GATA3: variants seen among roughly 807,000 people sequenced by gnomAD.
GATA3 encodes the protein trans-acting T-cell-specific transcription factor GATA-3.
In GATA3, 6 loss-of-function variants were observed where a neutral mutation model predicts 36.0. The ratio of observed to expected loss-of-function variants is 0.17; its 90% CI spans 0.09 to 0.33. The LOEUF (loss-of-function observed/expected upper bound fraction) is 0.33. GATA3 is among the 10% of genes least tolerant of loss of function. The pLI is 1.00. For missense variants in GATA3, 514 were observed against 610.1 expected (o/e 0.84, Z 1.66); for synonymous variants, 326 against 273.0 (o/e 1.19, Z -1.92).
chr10:8,056,052 C>T lies in GATA3; in HGVS notation c.241+156C>T, dbSNP rs565367411. 2.0e-3 allele frequency among the ~76,000 whole-genome samples: 303 copies of T among 152,312 alleles called. 1 individual carries two copies. Among genetic ancestry groups the T allele is most frequent in the African/African-American group, 6.8e-3 (283 of 41,562 alleles). On this transcript the variant is annotated intron_variant, in intron 2 of 5. Transcript: ENST00000379328. ...AAAAAAATTGGGGCCCGGAAATGGGCGAGGAAGGCCTCTGGCTCGTCGCGA... is the reference window on the plus strand; with the variant it reads ...AAAAAAATTGGGGCCCGGAAATGGGTGAGGAAGGCCTCTGGCTCGTCGCGA...
intron 4 of GATA3, among the ~76,000 whole-genome samples, chr10:8,068,457 C>T (rs1204782090): frequency 6.6e-6 from 1 of 152,120 alleles, no homozygotes. Flanking sequence ...TGGGAAGTGA[C>T]CAAGCTTGAA....
rs745424381 is a variant in GATA3, at chr10:8,073,854, A to C, written c.1166A>C (p.Asn389Thr). The change falls in exon 6 of 6, where the codon AAC becomes ACC. Residue 389 changes from asparagine (N) to threonine (T), a missense_variant. Physicochemically the swap from Asn to Thr is moderately conservative, Grantham distance 65 (BLOSUM62 0). This residue lies in a region of GATA3 where 89 missense variants were observed against 104.2 expected (regional missense o/e 0.85). Transcript: ENST00000379328. ...VHDSLEDFPK[N>T]SSFNPAALSR... Reference sequence around the variant, plus strand: ...GACTCACTGGAGGACTTCCCCAAGAACAGCTCGTTTAACCCGGCCGCCCTC... The same window carrying C: ...GACTCACTGGAGGACTTCCCCAAGACCAGCTCGTTTAACCCGGCCGCCCTC... 6.2e-7 allele frequency: 1 copy of C among 1,614,156 alleles called. No individual in the cohort carries two copies. The highest frequency in any genetic ancestry group is 1.1e-5 in the South Asian group (1 of 91,080).
rs1832792971 is a variant in GATA3 at position 8,064,081 on chromosome 10, G to A, written c.867G>A (p.Gly289=). The part of the protein sequence containing the change: ...GTGHYLCNAC[G]LYHKMNGQNR... ...GACACTACCTGTGCAACGCCTGCGG[G>A]CTCTATCACAAAATGAACGGACAGA... Residue 289 remains glycine, a synonymous_variant, in exon 4 of 6, where the codon GGG becomes GGA. Transcript: ENST00000379328. The A allele has an allele frequency of 6.2e-7, 1 of 1,614,094 alleles. No individual in the cohort carries two copies. The highest frequency in any genetic ancestry group is 8.5e-7 in the Non-Finnish European group (1 of 1,180,018).
rs774440409 is a variant in GATA3, at chr10:8,064,112, C to A, written c.898C>A (p.Pro300Thr). 1 of 1,614,040 alleles carries A rather than the reference C, an allele frequency of 6.2e-7. No individual in the cohort carries two copies. Among genetic ancestry groups the A allele is most frequent in the Non-Finnish European group, 8.5e-7 (1 of 1,180,026 alleles). Reference sequence around the variant, plus strand: ...TCACAAAATGAACGGACAGAACCGGCCCCTCATTAAGCCCAAGCGAAGGCT... The same window carrying A: ...TCACAAAATGAACGGACAGAACCGGACCCTCATTAAGCCCAAGCGAAGGCT... Reference protein sequence around the residue: ...LYHKMNGQNRPLIKPKRRLSA... With the variant: ...LYHKMNGQNRTLIKPKRRLSA... The change falls in exon 4 of 6, where the codon CCC becomes ACC. Residue 300 changes from proline to threonine, a missense_variant. Physicochemically the swap from Pro to Thr is conservative, Grantham distance 38 (BLOSUM62 -1). Coordinates refer to ENST00000379328, the MANE Select transcript of GATA3 (RefSeq NM_001002295.2).
At position 8,074,234 on chromosome 10, in the gene GATA3, C is replaced by A; in HGVS notation, c.*211C>A. The stretch of plus-strand genomic sequence containing the variant: ...ATCTGGACCCCATCTGTGAATAAGC[C>A]ATTCTGACTCATATCCCCTATTTAA... On this transcript the variant is annotated 3_prime_UTR_variant, in exon 6 of 6. Coordinates refer to ENST00000379328, the MANE Select transcript of GATA3 (RefSeq NM_001002295.2). 1.7e-6 allele frequency: 1 copy of A among 593,128 alleles called. No homozygotes were observed. The highest frequency in any genetic ancestry group is 3.0e-6 in the Non-Finnish European group (1 of 337,502). The allele number at this position is 593,128 out of a possible 1,614,324, so 36.7% of individuals were successfully genotyped here. A position where few individuals can be genotyped will look rare whatever the true frequency, so the allele number is the denominator to read the frequency against.
At position 8,064,248 on chromosome 10, in the gene GATA3, G is replaced by A. The variant is rs11567919; in HGVS notation, c.924+110G>A. ...GAAATTGACAGGATAGCCTCCAATCGTGTCAGCTGGCTTGGGACAGTTTTT... is the reference window on the plus strand; with the variant it reads ...GAAATTGACAGGATAGCCTCCAATCATGTCAGCTGGCTTGGGACAGTTTTT... On this transcript the variant is annotated intron_variant, in intron 4 of 5. Coordinates refer to ENST00000379328, the MANE Select transcript of GATA3 (RefSeq NM_001002295.2). The A allele has an allele frequency of 2.4e-3, 3,208 of 1,320,056 alleles. 66 individuals carry two copies. In the African/African-American group the frequency reaches 0.04, roughly 17 times the overall value. The allele number at this position is 1,320,056 out of a possible 1,614,324, so 81.8% of individuals were successfully genotyped here. A position where few individuals can be genotyped will look rare whatever the true frequency, so the allele number is the denominator to read the frequency against.
intron 5 of GATA3, 87 bp from the exon 6 acceptor site, chr10:8,073,652 T>C: frequency 1.4e-6 from 2 of 1,438,298 alleles, no homozygotes; most frequent in Non-Finnish European, 1.9e-6. Context: ...GGGCGGTCAG[T>C]GGAACCCTTC....
rs911741281 is a variant in GATA3, at chr10:8,074,907, C to T, written c.*884C>T. ...TCAGTTGGCCTAAGGTGGTTGTGCT[C>T]GGAGGGTTTCTTGTTTCTTTTCCAT... On this transcript the variant is annotated 3_prime_UTR_variant, in exon 6 of 6. Transcript: ENST00000379328. 4 of 233,580 alleles carry T rather than the reference C, an allele frequency of 1.7e-5. No individual in the cohort carries two copies. Among genetic ancestry groups the T allele is most frequent in the African/African-American group, 4.4e-5 (2 of 45,314 alleles). The allele number at this position is 233,580 out of a possible 1,614,324, so 14.5% of individuals were successfully genotyped here.
At chr10:8,073,652 T>G (rs1228899833) in intron 5 of GATA3, 87 bp from the exon 6 acceptor site, 1 of 1,438,208 alleles carries the variant, frequency 7.0e-7, no homozygotes, top group Non-Finnish European at 9.3e-7. Flanking sequence ...GGGCGGTCAG[T>G]GGAACCCTTC....
chr10:8,064,159 G>C (rs1165773626), intron 4 of GATA3, 21 bp downstream of exon 4: 2 of 1,613,948 alleles, frequency 1.2e-6, no homozygotes, highest in Admixed American at 1.7e-5. Context: ...GGGAAGGGAT[G>C]GATTCCATGC....
chr10:8,065,678 C>T (rs1268446737), intron 4 of GATA3, among the ~76,000 whole-genome samples: 2 of 150,654 alleles, frequency 1.3e-5, no homozygotes, highest in Middle Eastern at 3.2e-3. Context: ...CAACCTTCCC[C>T]CACCTCTCCT....
chr10:8,065,986 G>C (rs1345929673), intron 4 of GATA3, among the ~76,000 whole-genome samples: 1 of 142,968 alleles, frequency 7.0e-6, no homozygotes, highest in African/African-American at 2.6e-5. Flanking sequence ...AAAAAAGAGA[G>C]AGAGAGAGAG....
chr10:8,074,884 A>C lies in GATA3; in HGVS notation c.*861A>C, dbSNP rs1431360099. The stretch of plus-strand genomic sequence containing the variant: ...TGGTTGAATAAACTAGATTACATTC[A>C]GTTGGCCTAAGGTGGTTGTGCTCGG... On this transcript the variant is annotated 3_prime_UTR_variant, in exon 6 of 6. Transcript: ENST00000379328. 3 of 233,708 alleles carry C rather than the reference A, an allele frequency of 1.3e-5. No individual in the cohort carries two copies. The East Asian group carries it at 1.8e-4, about 14-fold the overall frequency. 14.5% of individuals were successfully genotyped at this position (233,708 alleles called of 1,614,324 possible).
At chr10:8,050,893 G>C (rs571935405), upstream of GATA3, 11 of 480,808 alleles carry the variant, frequency 2.3e-5, no homozygotes, top group South Asian at 1.6e-4. Context: ...GCTCCGCTTT[G>C]CCTGTTACCC....
rs546637326 is a variant in GATA3, at chr10:8,064,295, TTCTTTTCTTC to T, written c.924+159_924+168del. 9.2e-3 allele frequency among the ~76,000 whole-genome samples: 959 copies of T among 104,270 alleles called. 13 individuals carry two copies. Among genetic ancestry groups the T allele is most frequent in the African/African-American group, 0.028 (895 of 31,624 alleles). The allele number at this position is 104,270 out of a possible 152,430, so 68.4% of individuals were successfully genotyped here. A position where few individuals can be genotyped will look rare whatever the true frequency, so the allele number is the denominator to read the frequency against. Reference sequence around the variant, plus strand: ...TTTTTTTTTTTTCCTTTTTCTTTCTTTCTTTTCTTCTTCTTCTTTTTTTTTTTTTTTTTCA... The same window carrying T: ...TTTTTTTTTTTTCCTTTTTCTTTCTTTTCTTCTTTTTTTTTTTTTTTTTCA... On this transcript the variant is annotated intron_variant, in intron 4 of 5. Coordinates refer to ENST00000379328, the MANE Select transcript of GATA3 (RefSeq NM_001002295.2).
At chr10:8,048,326 C>T (rs771892100) in intron 1 of GATA3, among the ~76,000 whole-genome samples, 12 of 152,212 alleles carry the variant, frequency 7.9e-5, no homozygotes, top group Non-Finnish European at 1.6e-4. Context: ...GCGTGCACCC[C>T]ACCTCACCCG....
At position 8,055,090 on chromosome 10, in the gene GATA3, C is replaced by G. The variant is rs1036109987; in HGVS notation, c.-369-197C>G. ...AACAGTCAGCCCTGGGACTTGCCCT[C>G]CAAGTTGCTCAGCCAGCCCCGGCTC... On this transcript the variant is annotated intron_variant, in intron 1 of 5. Coordinates refer to ENST00000379328, the MANE Select transcript of GATA3 (RefSeq NM_001002295.2). The surrounding 1 kb of genome is among the most constrained non-coding windows in gnomAD (Gnocchi z 5.4). Among the ~76,000 whole-genome samples, 1 of 152,066 alleles carries G rather than the reference C, an allele frequency of 6.6e-6. No homozygotes were observed. Among genetic ancestry groups the G allele is most frequent in the Non-Finnish European group, 1.5e-5 (1 of 67,978 alleles).
upstream of GATA3, chr10:8,052,919 T>TA (rs1237929043): frequency 1.3e-5 from 2 of 149,900 alleles, no homozygotes; most frequent in Non-Finnish European, 3.0e-5. Context: ...GAGCTTTCTT[T>TA]AAAAAATTGG....
intron 3 of GATA3, among the ~76,000 whole-genome samples, chr10:8,063,094 T>C (rs890140511): frequency 2.0e-5 from 3 of 152,174 alleles, no homozygotes; most frequent in Non-Finnish European, 4.4e-5. Context: ...TGTTTGTTTG[T>C]GTTTTTGGGA....
Sources: gnomAD v4.1 joint callset for allele counts (sites outside exome capture counted in the v4.1 genomes callset) on GRCh38, gnomAD v4.1.1 for gene constraint, gnomAD v4.1.1 regional missense constraint, Gnocchi (gnomAD v3.1) non-coding constraint, MANE v1.5 for transcripts, NCBI Gene and HGNC (gene_info 2026-07-23, HGNC 2026-07-21) for gene names.